Variants in SH2D3C observed in about 807,000 individuals in gnomAD.
The protein encoded by SH2D3C is SH2 domain-containing protein 3C.
Under a neutral mutation model 75.2 loss-of-function variants are expected in SH2D3C, and 25 were observed. The ratio of observed to expected loss-of-function variants is 0.33; its 90% CI spans 0.24 to 0.46. The LOEUF (loss-of-function observed/expected upper bound fraction) is 0.46, where lower values mean the gene tolerates loss of function less well. SH2D3C is among the 20% of genes least tolerant of loss of function. The pLI, the probability that SH2D3C is intolerant of heterozygous loss-of-function variation, is 1.00. For missense variants in SH2D3C, 933 were observed against 1,165.3 expected, an observed-to-expected ratio of 0.80 and a Z score of 2.90; for synonymous variants, 450 against 473.7, an observed-to-expected ratio of 0.95 and a Z score of 0.65.
At chr9:127,752,198 G>A (rs912766634) in intron 3 of SH2D3C, among the ~76,000 whole-genome samples, 10 of 152,278 alleles carry the variant, frequency 6.6e-5, no homozygotes, top group African/African-American at 2.4e-4. Context: ...TTAATGCCAG[G>A]TGTACGCCCA....
At position 127,772,565 on chromosome 9, in the gene SH2D3C, A is replaced by G. The variant is rs771023451; in HGVS notation, c.515+1425T>C. On this transcript the variant is annotated intron_variant, in intron 2 of 11. Coordinates refer to ENST00000314830, the MANE Select transcript of SH2D3C (RefSeq NM_170600.3). The stretch of plus-strand genomic sequence containing the variant: ...GTGAGCCACTGCGCCCGGCCAGCTG[A>G]CTTTTTTTCTTTATTTCAACAGGCA... Among the ~76,000 whole-genome samples, 6 of 151,576 alleles carry G rather than the reference A, an allele frequency of 4.0e-5. 1 individual carries two copies. In the South Asian group the frequency reaches 6.3e-4, roughly 16 times the overall value.
intron 3 of SH2D3C, among the ~76,000 whole-genome samples, chr9:127,755,852 C>G (rs1845366040): frequency 1.3e-5 from 2 of 152,352 alleles, no homozygotes; most frequent in South Asian, 4.1e-4. Flanking sequence ...CTACGACTCA[C>G]TTGTGGAAAA....
At chr9:127,776,603 G>T (rs1845814738) in intron 1 of SH2D3C, among the ~76,000 whole-genome samples, 1 of 152,236 alleles carries the variant, frequency 6.6e-6, no homozygotes, top group South Asian at 2.1e-4. Context: ...GAGCAAAAAG[G>T]TAAAACTCCG....
chr9:127,760,461 G>A (rs1845499351), intron 3 of SH2D3C, among the ~76,000 whole-genome samples: 1 of 152,130 alleles, frequency 6.6e-6, no homozygotes, highest in African/African-American at 2.4e-5. Context: ...GGGGGCTAGG[G>A]GAGGGATAGC....
chr9:127,743,858 A>C (rs75281771), intron 7 of SH2D3C, among the ~76,000 whole-genome samples: 4,262 of 150,334 alleles, frequency 0.028, 78 homozygotes, highest in African/African-American at 0.047. Flanking sequence ...GGAGGTAATG[A>C]TTTCTGCTTA....
chr9:127,767,019 G>C lies in SH2D3C; in HGVS notation c.516-5369C>G, dbSNP rs759832697. 2.0e-6 allele frequency: 3 copies of C among 1,536,186 alleles called. No homozygotes were observed. The East Asian group carries it at 7.3e-5, about 38-fold the overall frequency. On this transcript the variant is annotated intron_variant, in intron 2 of 11. Coordinates refer to ENST00000314830, the MANE Select transcript of SH2D3C (RefSeq NM_170600.3). ...TGCCAGGACACCAGCCATGGGGCCT[G>C]TGGGATTCCCTGCCGGGAAGGCTCT...
chr9:127,767,881 T>C (rs1845664281), intron 2 of SH2D3C, among the ~76,000 whole-genome samples: 1 of 152,230 alleles, frequency 6.6e-6, no homozygotes, highest in African/African-American at 2.4e-5. Flanking sequence ...TCTGAGCTAC[T>C]GCTGTACCTG....
chr9:127,747,502 CT>C (rs1230207804), intron 5 of SH2D3C, among the ~76,000 whole-genome samples: 3 of 151,788 alleles, frequency 2.0e-5, no homozygotes, highest in Non-Finnish European at 2.9e-5. Flanking sequence ...CGCCTGGTTT[CT>C]TTTTTTCTTT....
Position 127,739,626 on chromosome 9 carries a change from G to A in SH2D3C, c.2407+56C>T. On this transcript the variant is annotated intron_variant, in intron 11 of 11. Coordinates refer to ENST00000314830, the MANE Select transcript of SH2D3C (RefSeq NM_170600.3). This position sits in a 1 kb window ranked among gnomAD's most constrained non-coding sequence, Gnocchi z 4.3. ...CCTTGGAGAAAAGGGAAGCAGTGAG[G>A]CAGGTGGAGGGAGGCCCAGGCCTGC... 3 of 1,489,004 alleles carry A rather than the reference G, an allele frequency of 2.0e-6. No individual in the cohort carries two copies. The highest frequency in any genetic ancestry group is 2.8e-6 in the Non-Finnish European group (3 of 1,087,014). 92.2% of individuals were successfully genotyped at this position (1,489,004 alleles called of 1,614,324 possible). A position where few individuals can be genotyped will look rare whatever the true frequency, so the allele number is the denominator to read the frequency against.
chr9:127,745,459 T>TC (rs1845003467), intron 6 of SH2D3C, among the ~76,000 whole-genome samples: 2 of 134,292 alleles, frequency 1.5e-5, no homozygotes, highest in African/African-American at 5.7e-5. Context: ...GATTTCCTTT[T>TC]TTTTTTTTTT....
Position 127,739,598 on chromosome 9 carries a change from A to G in SH2D3C, c.2407+84T>C, listed in dbSNP as rs1844787687. ...CAGAGGAGTGGAGAAATGTGAATGG[A>G]TGCCTTGGAGAAAAGGGAAGCAGTG... On this transcript the variant is annotated intron_variant, in intron 11 of 11. Transcript: ENST00000314830. The surrounding 1 kb of genome is among the most constrained non-coding windows in gnomAD (Gnocchi z 4.3). The G allele has an allele frequency of 8.1e-7, 1 of 1,233,962 alleles. No individual in the cohort carries two copies. The highest frequency in any genetic ancestry group is 1.5e-5 in the African/African-American group (1 of 67,270). The allele number at this position is 1,233,962 out of a possible 1,614,324, so 76.4% of individuals were successfully genotyped here.
chr9:127,749,823 G>C lies in SH2D3C; in HGVS notation c.685-158C>G, dbSNP rs530699324. 4.5e-4 allele frequency among the ~76,000 whole-genome samples: 69 copies of C among 152,250 alleles called. No homozygotes were observed. In the South Asian group the frequency reaches 0.014, roughly 31 times the overall value. On this transcript the variant is annotated intron_variant, in intron 4 of 11. Coordinates refer to ENST00000314830, the MANE Select transcript of SH2D3C (RefSeq NM_170600.3). The surrounding 1 kb of genome is among the most constrained non-coding windows in gnomAD (Gnocchi z 5.9). ...AGAGACATCTGACATCTGAGAGCGG[G>C]GATGCAATGACCCAGGTTCACAGGG...
chr9:127,764,134 A>G (rs755055760), intron 2 of SH2D3C, among the ~76,000 whole-genome samples: 3 of 152,116 alleles, frequency 2.0e-5, no homozygotes, highest in Non-Finnish European at 4.4e-5. Flanking sequence ...GGGCTCTGGG[A>G]CAGGGGCAGA....
In SH2D3C at chr9:127,754,733, G is replaced by A; in HGVS notation, c.556-3433C>T. ...GCCAGGGTGCCCAGGTCAGCCGCAA[G>A]GGCCAGCGTACCAGGCGGAGGACCG... is the stretch of plus-strand genomic sequence containing the variant. On this transcript the variant is annotated intron_variant, in intron 3 of 11. Transcript: ENST00000314830. The surrounding 1 kb of genome is among the most constrained non-coding windows in gnomAD (Gnocchi z 4.4). The A allele has an allele frequency of 2.3e-6, 1 of 437,884 alleles. No homozygotes were observed. The highest frequency in any genetic ancestry group is 4.8e-6 in the Non-Finnish European group (1 of 206,802). The allele number at this position is 437,884 out of a possible 1,614,324, so 27.1% of individuals were successfully genotyped here.
intron 4 of SH2D3C, among the ~76,000 whole-genome samples, chr9:127,750,158 GTTATTA>G (rs563771370): frequency 1.2e-3 from 174 of 148,710 alleles, no homozygotes; most frequent in Middle Eastern, 3.6e-3. Context: ...TATTATTATT[GTTATTA>G]TTATTATTAT....
chr9:127,751,332 A>C lies in SH2D3C; in HGVS notation c.556-32T>G. ...AGAAAACAGCAAGAGTTGGCATCCA[A>C]CTTAAAGTCTCCTTCTTCTTTCCCT... On this transcript the variant is annotated intron_variant, in intron 3 of 11. Coordinates refer to ENST00000314830, the MANE Select transcript of SH2D3C (RefSeq NM_170600.3). The surrounding 1 kb of genome is among the most constrained non-coding windows in gnomAD (Gnocchi z 4.1). The C allele has an allele frequency of 6.2e-7, 1 of 1,609,152 alleles. No individual in the cohort carries two copies. Among genetic ancestry groups the C allele is most frequent in the Non-Finnish European group, 8.5e-7 (1 of 1,176,816 alleles).
chr9:127,773,931 A>T, intron 2 of SH2D3C, 59 bp downstream of exon 2: 3 of 1,021,824 alleles, frequency 2.9e-6, no homozygotes, highest in Non-Finnish European at 4.4e-6. Flanking sequence ...AAAAAAAAAA[A>T]GAAAAAGAAA....
chr9:127,751,359 C>T lies in SH2D3C; in HGVS notation c.556-59G>A. On this transcript the variant is annotated intron_variant, in intron 3 of 11. Coordinates refer to ENST00000314830, the MANE Select transcript of SH2D3C (RefSeq NM_170600.3). This position sits in a 1 kb window ranked among gnomAD's most constrained non-coding sequence, Gnocchi z 4.1. ...TTAAAGTCTCCTTCTTCTTTCCCTC[C>T]CAACTTCATTCTACCATGGATGAAC... is the stretch of plus-strand genomic sequence containing the variant. The T allele has an allele frequency of 1.7e-5, 27 of 1,555,670 alleles. No homozygotes were observed. In the South Asian group the frequency reaches 2.9e-4, roughly 17 times the overall value.
chr9:127,766,479 T>G (rs1564423766), intron 2 of SH2D3C, among the ~76,000 whole-genome samples: 1 of 152,250 alleles, frequency 6.6e-6, no homozygotes, highest in Non-Finnish European at 1.5e-5. Context: ...CTCCTCTTGT[T>G]GCTCCAGACT....
Sources: allele counts gnomAD v4.1 joint callset (sites outside exome capture counted in the v4.1 genomes callset), GRCh38; gene constraint gnomAD v4.1.1; non-coding constraint Gnocchi (gnomAD v3.1); transcripts MANE v1.5; gene names NCBI Gene and HGNC (gene_info 2026-07-23, HGNC 2026-07-21).